The following ZNG1C variants were observed in gnomAD, a reference collection of about 807,000 sequenced individuals.
ZNG1C encodes Zn regulated GTPase metalloprotein activator 1C.
chr9:68,271,498 G>C, the ZNG1C span, among the ~76,000 whole-genome samples: 1 of 76,918 alleles, frequency 1.3e-5, no homozygotes, highest in Non-Finnish European at 2.8e-5. Context: ...TAGAGGGAAT[G>C]ATTGCTCAAC....
chr9:68,247,617 T>G, the ZNG1C span: 3 of 1,521,506 alleles, frequency 2.0e-6, no homozygotes, highest in Non-Finnish European at 2.7e-6. Context: ...TTCTAGGAAG[T>G]GCGCTGGAGA....
the ZNG1C span, among the ~76,000 whole-genome samples, chr9:68,280,980 T>C: frequency 8.5e-6 from 1 of 117,330 alleles, no homozygotes; most frequent in South Asian, 3.0e-4. Context: ...GTGCTAGCAA[T>C]CAGCGAGACT....
the ZNG1C span, among the ~76,000 whole-genome samples, chr9:68,288,662 T>TTA: frequency 1.0e-4 from 12 of 119,244 alleles, no homozygotes; most frequent in South Asian, 2.0e-3. Context: ...TTTTTTTTTT[T>TTA]TTTTTTTTTT....
At chr9:68,296,615 G>C in the ZNG1C span, among the ~76,000 whole-genome samples, 1 of 152,254 alleles carries the variant, frequency 6.6e-6, no homozygotes, top group African/African-American at 2.4e-5. Context: ...GGCCAGATAC[G>C]CAGTTCTAGG....
At chr9:68,268,385 G>A in the ZNG1C span, among the ~76,000 whole-genome samples, 7 of 152,112 alleles carry the variant, frequency 4.6e-5, no homozygotes, top group East Asian at 1.9e-4. Flanking sequence ...CAGGCATAAC[G>A]GGTAGAGAGC....
chr9:68,260,351 G>C, the ZNG1C span, among the ~76,000 whole-genome samples: 1 of 152,390 alleles, frequency 6.6e-6, no homozygotes, highest in South Asian at 2.1e-4. Flanking sequence ...TGGGTATGGA[G>C]AAGAGTTAAA....
chr9:68,273,583 T>C, the ZNG1C span: 2 of 24,488 alleles, frequency 8.2e-5, 1 homozygote, highest in African/African-American at 3.3e-4. Context: ...GAGTATGTGA[T>C]AGACTGTTGA....
chr9:68,299,193 T>C, the ZNG1C span: 1 of 1,509,788 alleles, frequency 6.6e-7, no homozygotes, highest in Non-Finnish European at 8.9e-7. Context: ...AGGTCCTCTT[T>C]TAAAACTAAA....
the ZNG1C span, among the ~76,000 whole-genome samples, chr9:68,255,615 CTATT>C: frequency 4.8e-5 from 7 of 147,258 alleles, no homozygotes; most frequent in East Asian, 4.0e-4. Flanking sequence ...GATTTGTAAA[CTATT>C]TATTAGACTA....
chr9:68,287,311 T>TA, the ZNG1C span, among the ~76,000 whole-genome samples: 3 of 152,126 alleles, frequency 2.0e-5, no homozygotes, highest in African/African-American at 7.2e-5. Context: ...TGGAGCTTTT[T>TA]TAAAAAAAAT....
chr9:68,295,636 C>A, the ZNG1C span, among the ~76,000 whole-genome samples: 1 of 89,168 alleles, frequency 1.1e-5, no homozygotes, highest in Non-Finnish European at 2.4e-5. Context: ...GCAGTCCCAT[C>A]AAAAAGTGGG....
At chr9:68,286,757 T>C in the ZNG1C span, among the ~76,000 whole-genome samples, 7 of 150,738 alleles carry the variant, frequency 4.6e-5, no homozygotes, top group African/African-American at 1.7e-4. Context: ...AGATAACAGC[T>C]ACTTGCATTT....
chr9:68,269,447 T>C, the ZNG1C span: 1 of 111,652 alleles, frequency 9.0e-6, no homozygotes, highest in Non-Finnish European at 1.8e-5. Flanking sequence ...GTTCTGTTCC[T>C]AAAACATCTG....
At chr9:68,282,726 T>C in the ZNG1C span, among the ~76,000 whole-genome samples, 4 of 60,232 alleles carry the variant, frequency 6.6e-5, no homozygotes, top group African/African-American at 2.0e-4. Context: ...GAGAGTAAAC[T>C]TGTCAGTGAC....
chr9:68,264,821 T>TTATATATATATATATA, the ZNG1C span, among the ~76,000 whole-genome samples: 11 of 24,930 alleles, frequency 4.4e-4, 1 homozygote, highest in African/African-American at 1.6e-3. Context: ...GGATTGAAGA[T>TTATATATATATATATA]TATATATATA....
chr9:68,292,033 G>A, the ZNG1C span, among the ~76,000 whole-genome samples: 1 of 151,894 alleles, frequency 6.6e-6, no homozygotes, highest in East Asian at 1.9e-4. Flanking sequence ...CCCAGTACCA[G>A]CCTGGAGCCT....
chr9:68,257,158 C>A, the ZNG1C span, among the ~76,000 whole-genome samples: 4 of 143,174 alleles, frequency 2.8e-5, no homozygotes, highest in Non-Finnish European at 6.0e-5. Context: ...CTGCCTCAGC[C>A]TCCCGAGTAG....
chr9:68,286,103 AG>A, the ZNG1C span: 1 of 475,750 alleles, frequency 2.1e-6, no homozygotes, highest in Admixed American at 4.6e-5. Context: ...CTCTTTAACT[AG>A]ATAGGCTATG....
At chr9:68,249,044 G>A in the ZNG1C span, 38 of 495,818 alleles carry the variant, frequency 7.7e-5, 1 homozygote, top group East Asian at 5.6e-4. Context: ...AAAAGTACTC[G>A]TTTGTCATTT....
Sources: allele counts gnomAD v4.1 joint callset (sites outside exome capture counted in the v4.1 genomes callset), GRCh38; gene constraint gnomAD v4.1.1; transcripts MANE v1.5; gene names NCBI Gene and HGNC (gene_info 2026-07-23, HGNC 2026-07-21).